Variants in KCNAB1 observed in about 807,000 individuals in gnomAD.
The protein encoded by KCNAB1 is voltage-gated potassium channel subunit beta-1.
KCNAB1 carries 35 observed loss-of-function variants against 64.6 expected under a neutral mutation model. The observed-to-expected ratio is 0.54, with a 90% CI of 0.41 to 0.72. The LOEUF is 0.72. Ranked by LOEUF, KCNAB1 falls within the 30% of genes least tolerant of loss-of-function variation. The pLI is 0.00. For synonymous variants in KCNAB1, 177 were observed against 183.8 expected, an observed-to-expected ratio of 0.96 and a Z score of 0.30; for missense variants, 401 against 512.9, an observed-to-expected ratio of 0.78 and a Z score of 2.11.
At chr3:156,239,751 T>A (rs1345415159) in intron 1 of KCNAB1, among the ~76,000 whole-genome samples, 1 of 152,252 alleles carries the variant, frequency 6.6e-6, no homozygotes, top group Non-Finnish European at 1.5e-5. Flanking sequence ...TAAAATTTGT[T>A]CATGTAATAT....
intron 1 of KCNAB1, among the ~76,000 whole-genome samples, chr3:156,225,354 T>C (rs952088686): frequency 6.6e-6 from 1 of 152,154 alleles, no homozygotes; most frequent in African/African-American, 2.4e-5. Flanking sequence ...AAAAAGCATT[T>C]GACAAAAATC....
intron 1 of KCNAB1, among the ~76,000 whole-genome samples, chr3:156,401,915 G>A (rs1287581128): frequency 6.6e-6 from 1 of 151,094 alleles, no homozygotes; most frequent in Non-Finnish European, 1.5e-5. Context: ...GCAAATTGTG[G>A]TTTGACTTTT....
chr3:156,191,551 T>G (rs1280153808), intron 1 of KCNAB1, among the ~76,000 whole-genome samples: 1 of 152,192 alleles, frequency 6.6e-6, no homozygotes. Flanking sequence ...AGACACACAA[T>G]ACAATTCTTG....
intron 1 of KCNAB1, among the ~76,000 whole-genome samples, chr3:156,294,494 G>A (rs1418251162): frequency 1.3e-5 from 2 of 151,930 alleles, no homozygotes; most frequent in Non-Finnish European, 2.9e-5. Context: ...AAAGGGGGAG[G>A]GAGACTAATT....
intron 2 of KCNAB1, among the ~76,000 whole-genome samples, chr3:156,436,211 C>A (rs7629906): frequency 0.036 from 5,555 of 152,202 alleles, 342 homozygotes; most frequent in African/African-American, 0.13. Context: ...AGGATGATGG[C>A]TTCCAGCTCC....
chr3:156,531,108 A>G (rs1377662395), intron 12 of KCNAB1, among the ~76,000 whole-genome samples: 1 of 152,216 alleles, frequency 6.6e-6, no homozygotes, highest in Non-Finnish European at 1.5e-5. Flanking sequence ...ACAGCAGTGC[A>G]TCTGTGTTTT....
chr3:156,282,868 G>A (rs1354725708), intron 1 of KCNAB1, among the ~76,000 whole-genome samples: 1 of 151,304 alleles, frequency 6.6e-6, no homozygotes, highest in Non-Finnish European at 1.5e-5. Flanking sequence ...GTCTCTGCAC[G>A]TGAGATGGGT....
chr3:156,176,762 A>G, intron 1 of KCNAB1: 1 of 897,554 alleles, frequency 1.1e-6, no homozygotes. Flanking sequence ...AACACCTCGG[A>G]GGTCCTGCTT....
chr3:156,255,481 A>C (rs1303732308), intron 1 of KCNAB1, among the ~76,000 whole-genome samples: 1 of 152,090 alleles, frequency 6.6e-6, no homozygotes, highest in Non-Finnish European at 1.5e-5. Context: ...TGAGTTTAGT[A>C]AGCTGGCATT....
At chr3:156,333,175 A>G (rs1723456818) in intron 1 of KCNAB1, among the ~76,000 whole-genome samples, 1 of 152,174 alleles carries the variant, frequency 6.6e-6, no homozygotes, top group Admixed American at 6.6e-5. Context: ...CAGTGGGACA[A>G]AACTTCAAAC....
At chr3:156,123,164 G>A (rs1713451185) in intron 1 of KCNAB1, among the ~76,000 whole-genome samples, 1 of 152,156 alleles carries the variant, frequency 6.6e-6, no homozygotes, top group African/African-American at 2.4e-5. Flanking sequence ...AGATAAATAT[G>A]ATTAACTTAT....
At chr3:156,283,458 C>G (rs1389688594) in intron 1 of KCNAB1, among the ~76,000 whole-genome samples, 29 of 148,846 alleles carry the variant, frequency 1.9e-4, no homozygotes, top group South Asian at 1.1e-3. Flanking sequence ...AGTTGCTCTT[C>G]TCGAGGAGTA....
At chr3:156,496,842 C>T (rs1017484021) in intron 8 of KCNAB1, among the ~76,000 whole-genome samples, 2 of 152,000 alleles carry the variant, frequency 1.3e-5, no homozygotes, top group Non-Finnish European at 2.9e-5. Context: ...GATTAAGGGC[C>T]CCAGATACAA....
intron 1 of KCNAB1, among the ~76,000 whole-genome samples, chr3:156,142,025 T>C (rs1392694248): frequency 1.3e-5 from 2 of 152,230 alleles, no homozygotes; most frequent in Non-Finnish European, 2.9e-5. Flanking sequence ...CTTTTGATGC[T>C]CTTATGTGCC....
At chr3:156,415,925 C>G (rs563475967) in intron 1 of KCNAB1, among the ~76,000 whole-genome samples, 1 of 152,158 alleles carries the variant, frequency 6.6e-6, no homozygotes, top group Non-Finnish European at 1.5e-5. Flanking sequence ...GCCCAAAGAT[C>G]CAAAACCGTT....
intron 1 of KCNAB1, among the ~76,000 whole-genome samples, chr3:156,392,565 A>G (rs1713123568): frequency 1.3e-5 from 2 of 152,230 alleles, no homozygotes; most frequent in Admixed American, 6.5e-5. Flanking sequence ...TCTTGTTCCC[A>G]ATCTCAAAGA....
chr3:156,480,554 TAAAA>T (rs896271182), intron 8 of KCNAB1, among the ~76,000 whole-genome samples: 2 of 150,340 alleles, frequency 1.3e-5, no homozygotes, highest in African/African-American at 4.9e-5. Flanking sequence ...AAAAAAAAAG[TAAAA>T]AGAAACAGGT....
intron 1 of KCNAB1, among the ~76,000 whole-genome samples, chr3:156,256,034 T>C (rs1319732508): frequency 1.3e-5 from 2 of 152,250 alleles, no homozygotes; most frequent in African/African-American, 4.8e-5. Flanking sequence ...AAGACTATTA[T>C]GATTTTTCTT....
chr3:156,263,698 T>C, intron 1 of KCNAB1, among the ~76,000 whole-genome samples: 1 of 152,118 alleles, frequency 6.6e-6, no homozygotes, highest in East Asian at 1.9e-4. Flanking sequence ...ATTAGTGTAG[T>C]ATTTGCATAC....
Sources: gnomAD v4.1 joint callset for allele counts (sites outside exome capture counted in the v4.1 genomes callset) on GRCh38, gnomAD v4.1.1 for gene constraint, MANE v1.5 for transcripts, NCBI Gene and HGNC (gene_info 2026-07-23, HGNC 2026-07-21) for gene names.